The following ADGRG2 variants were observed in gnomAD, a reference collection of about 807,000 sequenced individuals.
The protein encoded by ADGRG2 is adhesion G protein-coupled receptor G2.
Under a neutral mutation model 74.1 loss-of-function variants are expected in ADGRG2, and 26 were observed. The ratio of observed to expected loss-of-function variants is 0.35; its 90% CI spans 0.26 to 0.49. The LOEUF (loss-of-function observed/expected upper bound fraction) is 0.49. Among genes scored for constraint, ADGRG2 ranks in the 20% least tolerant of loss-of-function variants. The probability of loss-of-function intolerance (pLI) is 0.99; values close to 1 mark genes in which losing one functional copy is unlikely to be tolerated. For missense variants in ADGRG2, 619 were observed against 763.1 expected (o/e 0.81, Z 2.22); for synonymous variants, 296 against 295.2 (o/e 1.00, Z -0.03).
intron 28 of ADGRG2, among the ~76,000 whole-genome samples, chrX:18,991,524 C>T (rs1274597630): frequency 8.9e-6 from 1 of 112,409 alleles, no homozygotes; most frequent in Non-Finnish European, 1.9e-5. Context: ...CCAGAGAAAC[C>T]AGAGCAACCA....
At chrX:19,023,181 G>A (rs996792442) in intron 13 of ADGRG2, among the ~76,000 whole-genome samples, 2 of 108,062 alleles carry the variant, frequency 1.9e-5, no homozygotes, top group Non-Finnish European at 3.9e-5. Flanking sequence ...TTGTGGAACC[G>A]GAGGTAAATG....
chrX:19,100,298 C>A (rs1177510470), intron 1 of ADGRG2, among the ~76,000 whole-genome samples: 2 of 113,073 alleles, frequency 1.8e-5, no homozygotes, highest in Non-Finnish European at 3.7e-5. Context: ...TAAATATTTT[C>A]TGTAAAAGGC....
chrX:19,060,485 C>T (rs2061471811), intron 3 of ADGRG2, among the ~76,000 whole-genome samples: 1 of 109,780 alleles, frequency 9.1e-6, no homozygotes, highest in African/African-American at 3.3e-5. Context: ...CCCCAATATC[C>T]AGGCTGTGCC....
In ADGRG2 at chrX:19,023,473, A is replaced by T. The variant is rs759861029; in HGVS notation, c.511-20T>A. On this transcript the variant is annotated intron_variant, in intron 12 of 28. Transcript: ENST00000379869. ...GTAAGTCTGAAACAAAACAAAAAAC[A>T]CGTATACACATATATGTTACTTTGG... The T allele has an allele frequency of 1.3e-5, 12 of 934,969 alleles. No individual in the cohort carries two copies. The highest frequency in any genetic ancestry group is 1.4e-5 in the Non-Finnish European group (9 of 658,867). The allele number at this position is 934,969 out of a possible 1,213,427, so 77.1% of individuals were successfully genotyped here.
chrX:19,075,349 GC>G (rs1352799700), intron 2 of ADGRG2, among the ~76,000 whole-genome samples: 1 of 111,117 alleles, frequency 9.0e-6, no homozygotes, highest in Non-Finnish European at 1.9e-5. Flanking sequence ...GCATGCAGTG[GC>G]TCATGCCTGT....
chrX:19,006,350 A>G (rs28375015), intron 20 of ADGRG2, 85 bp from the exon 21 acceptor site: 6 of 668,517 alleles, frequency 9.0e-6, no homozygotes, highest in South Asian at 2.5e-5. Context: ...TGAAAAGAAA[A>G]AAAACTGTGG....
At chrX:19,098,846 C>A (rs1274302177) in intron 1 of ADGRG2, among the ~76,000 whole-genome samples, 1 of 112,041 alleles carries the variant, frequency 8.9e-6, no homozygotes, top group Non-Finnish European at 1.9e-5. Context: ...TTGCTCCAGA[C>A]AGAAATCAGT....
chrX:19,025,877 C>G (rs761679736), intron 11 of ADGRG2, among the ~76,000 whole-genome samples: 35 of 108,931 alleles, frequency 3.2e-4, no homozygotes, highest in Non-Finnish European at 5.1e-4. Flanking sequence ...GCCTGGGCAA[C>G]AAAGTGAGAC....
intron 2 of ADGRG2, among the ~76,000 whole-genome samples, chrX:19,081,551 T>C (rs1001416586): frequency 8.9e-6 from 1 of 112,062 alleles, no homozygotes; most frequent in Admixed American, 9.5e-5. Flanking sequence ...CAATTCCTGC[T>C]TCAGGTCCCA....
intron 3 of ADGRG2, among the ~76,000 whole-genome samples, chrX:19,041,506 T>C (rs747957822): frequency 8.9e-6 from 1 of 112,224 alleles, no homozygotes; most frequent in African/African-American, 3.2e-5. Context: ...AGAATAAGTA[T>C]GTTTGCAAAC....
chrX:18,996,835 CAATA>C (rs2060027660), intron 26 of ADGRG2, among the ~76,000 whole-genome samples: 1 of 111,634 alleles, frequency 9.0e-6, no homozygotes. Context: ...AGGCTTTTGC[CAATA>C]AATATTTGCT....
intron 8 of ADGRG2, 81 bp from the exon 9 acceptor site, chrX:19,031,118 C>T (rs747225532): frequency 7.5e-6 from 5 of 668,257 alleles, no homozygotes; most frequent in South Asian, 4.7e-5. Flanking sequence ...AATTCATAAA[C>T]GTAGGCATCA....
intron 2 of ADGRG2, among the ~76,000 whole-genome samples, chrX:19,079,463 T>G (rs2061807090): frequency 8.9e-6 from 1 of 112,418 alleles, no homozygotes. Flanking sequence ...AGCAACAAAA[T>G]TTTTTGAAGA....
In ADGRG2 at chrX:19,068,829, A is replaced by G. The variant is rs763070920; in HGVS notation, c.6T>C (p.Val2=). Residue 2 remains valine (V), a synonymous_variant, in exon 3 of 29, where the codon GTT becomes GTC. Transcript: ENST00000379869. M[V]FSVRQCGHVG... ...CATGGCCACACTGCCTGACAGAGAA[A>G]ACCATCCTGGAATAAAGTAAGGAGA... 1 of 1,044,937 alleles carries G rather than the reference A, an allele frequency of 9.6e-7. No individual in the cohort carries two copies. Among genetic ancestry groups the G allele is most frequent in the Non-Finnish European group, 1.3e-6 (1 of 752,361 alleles). The allele number at this position is 1,044,937 out of a possible 1,213,427, so 86.1% of individuals were successfully genotyped here. A position where few individuals can be genotyped will look rare whatever the true frequency, so the allele number is the denominator to read the frequency against.
At chrX:19,114,206 G>A (rs192615861) in intron 1 of ADGRG2, among the ~76,000 whole-genome samples, 169 of 110,564 alleles carry the variant, frequency 1.5e-3, no homozygotes, top group African/African-American at 5.2e-3. Flanking sequence ...AGTGGCACTG[G>A]GGAACACTTT....
intron 3 of ADGRG2, among the ~76,000 whole-genome samples, chrX:19,059,983 T>C (rs1417330467): frequency 9.0e-6 from 1 of 110,705 alleles, no homozygotes; most frequent in Non-Finnish European, 1.9e-5. Context: ...AATTCAAAAA[T>C]TAGCCAGGCG....
At chrX:18,996,331 G>A (rs1254550176) in intron 26 of ADGRG2, among the ~76,000 whole-genome samples, 179 bp from the exon 27 acceptor site, 1 of 111,688 alleles carries the variant, frequency 9.0e-6, no homozygotes, top group Non-Finnish European at 1.9e-5. Context: ...ATCGGGGAAT[G>A]AATGCCTTTA....
chrX:19,065,253 T>A (rs1251747609), intron 3 of ADGRG2, among the ~76,000 whole-genome samples: 1 of 46,177 alleles, frequency 2.2e-5, no homozygotes, highest in Non-Finnish European at 3.7e-5. Context: ...GACAACAAGA[T>A]CCTGTCTCAA....
At position 19,013,566 on chromosome X, in the gene ADGRG2, G is replaced by A. The variant is rs1475766975; in HGVS notation, c.1099+120C>T. The A allele has an allele frequency of 1.3e-5, 8 of 604,386 alleles. No individual in the cohort carries two copies. The East Asian group carries it at 1.4e-4, about 11-fold the overall frequency. 49.8% of individuals were successfully genotyped at this position (604,386 alleles called of 1,213,427 possible). ...ATGCAACCATGTAAGTCATTAGAAC[G>A]TTAGAATCCCGAAAGGAAAGCTCTA... is the stretch of plus-strand genomic sequence containing the variant. On this transcript the variant is annotated intron_variant, in intron 16 of 28. Coordinates refer to ENST00000379869, the MANE Select transcript of ADGRG2 (RefSeq NM_001079858.3).
Sources: allele counts gnomAD v4.1 joint callset (sites outside exome capture counted in the v4.1 genomes callset), GRCh38; gene constraint gnomAD v4.1.1; transcripts MANE v1.5; gene names NCBI Gene and HGNC (gene_info 2026-07-23, HGNC 2026-07-21).